Variants in HSBP1L1 observed in about 807,000 individuals in gnomAD.
HSBP1L1 encodes heat shock factor-binding protein 1-like protein 1.
In HSBP1L1, 8 loss-of-function variants were observed where a neutral mutation model predicts 9.7. The observed-to-expected ratio is 0.82, with a 90% CI of 0.48 to 1.48. The LOEUF (loss-of-function observed/expected upper bound fraction) is 1.48. Ranked by LOEUF, HSBP1L1 falls within the 40% of genes most tolerant of loss-of-function variation. HSBP1L1 has a pLI of 0.00. For missense variants in HSBP1L1, 106 were observed against 95.8 expected, an observed-to-expected ratio of 1.11 and a Z score of -0.44; for synonymous variants, 39 against 34.4, an observed-to-expected ratio of 1.13 and a Z score of -0.46.
rs1347670266 is a variant in HSBP1L1 at position 79,970,596 on chromosome 18, C to A, written c.*145C>A. The A allele has an allele frequency of 4.7e-6, 3 of 638,486 alleles. No individual in the cohort carries two copies. Among genetic ancestry groups the A allele is most frequent in the Non-Finnish European group, 8.8e-6 (3 of 339,946 alleles). The allele number at this position is 638,486 out of a possible 1,614,324, so 39.6% of individuals were successfully genotyped here. On this transcript the variant is annotated 3_prime_UTR_variant, in exon 4 of 4. Transcript: ENST00000451882. ...TCGCCTGCTCTCCCCTCCGTGCCTGCACCAGAGAAGGAGGCCATCGGCAAG... is the reference window on the plus strand; with the variant it reads ...TCGCCTGCTCTCCCCTCCGTGCCTGAACCAGAGAAGGAGGCCATCGGCAAG...
Position 79,970,647 on chromosome 18 carries a change from A to G in HSBP1L1, c.*196A>G. On this transcript the variant is annotated 3_prime_UTR_variant, in exon 4 of 4. Coordinates refer to ENST00000451882, the MANE Select transcript of HSBP1L1 (RefSeq NM_001136180.2). ...CCAAGGAGAGCCCTCCCCAGAAATC[A>G]CACGGACCAGCACCTTGATCTGGGA... 1.7e-6 allele frequency: 1 copy of G among 586,414 alleles called. No homozygotes were observed. Among genetic ancestry groups the G allele is most frequent in the South Asian group, 2.1e-5 (1 of 48,664 alleles). The allele number at this position is 586,414 out of a possible 1,614,324, so 36.3% of individuals were successfully genotyped here.
At chr18:79,969,121 A>G (rs746913339) in intron 3 of HSBP1L1, among the ~76,000 whole-genome samples, 44 of 150,322 alleles carry the variant, frequency 2.9e-4, no homozygotes, top group Non-Finnish European at 5.0e-4. Flanking sequence ...CCCGGGAGGC[A>G]GAGCTTGCAG....
chr18:79,966,727 G>C (rs1170103799), intron 2 of HSBP1L1, 49 bp downstream of exon 2: 1 of 1,283,054 alleles, frequency 7.8e-7, no homozygotes, highest in African/African-American at 1.5e-5. Flanking sequence ...CGGACTGGTA[G>C]ATTATCATGG....
intron 3 of HSBP1L1, among the ~76,000 whole-genome samples, chr18:79,969,335 G>GA (rs1277031309): frequency 2.4e-4 from 4 of 16,396 alleles, no homozygotes; most frequent in South Asian, 3.6e-3. Context: ...GAAAGAAAAA[G>GA]AAAGAAAGAA....
At chr18:79,966,121 T>TG (rs1317539681) in intron 1 of HSBP1L1, among the ~76,000 whole-genome samples, 1 of 151,812 alleles carries the variant, frequency 6.6e-6, no homozygotes, top group Non-Finnish European at 1.5e-5. Flanking sequence ...TTAGTAGAGA[T>TG]GGGGTTTCAC....
chr18:79,969,375 GAAA>G lies in HSBP1L1; in HGVS notation c.214-1064_214-1062del, dbSNP rs2051281372. Among the ~76,000 whole-genome samples the G allele has an allele frequency of 2.9e-4, 15 of 52,058 alleles. 2 individuals are homozygous for G. The Admixed American group carries it at 3.5e-3, about 12-fold the overall frequency. 34.2% of individuals were successfully genotyped at this position (52,058 alleles called of 152,430 possible). On this transcript the variant is annotated intron_variant, in intron 3 of 3. Transcript: ENST00000451882. The stretch of plus-strand genomic sequence containing the variant: ...AGAAAGAAAGAAAGAAAGAAAGAAA[GAAA>G]GAAAGAAAGAAAGAAAAAAAAACGA...
intron 3 of HSBP1L1, among the ~76,000 whole-genome samples, chr18:79,968,848 G>A (rs1433181587): frequency 6.6e-6 from 1 of 151,908 alleles, no homozygotes; most frequent in African/African-American, 2.4e-5. Context: ...AAGAATGCTA[G>A]GATCAGAGGC....
intron 3 of HSBP1L1, among the ~76,000 whole-genome samples, chr18:79,969,117 AG>A (rs1336346919): frequency 6.7e-6 from 1 of 150,062 alleles, no homozygotes; most frequent in African/African-American, 2.5e-5. Context: ...TGAACCCGGG[AG>A]GCAGAGCTTG....
intron 3 of HSBP1L1, among the ~76,000 whole-genome samples, chr18:79,969,331 AAAAG>A (rs1195209410): frequency 0.039 from 2,813 of 71,592 alleles, 141 homozygotes; most frequent in African/African-American, 0.078. Flanking sequence ...GAAAGAAAGA[AAAAG>A]AAAGAAAGAA....
At chr18:79,967,831 T>C (rs2145035315) in intron 2 of HSBP1L1, 1 of 386,012 alleles carries the variant, frequency 2.6e-6, no homozygotes, top group Non-Finnish European at 4.6e-6. Flanking sequence ...GACTAAAATA[T>C]ACCAGACAAT....
At chr18:79,968,566 T>C (rs2145035970) in intron 3 of HSBP1L1, among the ~76,000 whole-genome samples, 1 of 152,254 alleles carries the variant, frequency 6.6e-6, no homozygotes, top group East Asian at 1.9e-4. Flanking sequence ...CCTCAGGTGA[T>C]CCACCCACCT....
intron 1 of HSBP1L1, among the ~76,000 whole-genome samples, chr18:79,965,396 C>T (rs762841500): frequency 2.6e-5 from 4 of 152,114 alleles, no homozygotes; most frequent in Non-Finnish European, 5.9e-5. Flanking sequence ...AGAGGTGGGG[C>T]CTCCTCCTAT....
intron 3 of HSBP1L1, among the ~76,000 whole-genome samples, chr18:79,968,721 G>A (rs1009101561): frequency 2.3e-4 from 35 of 151,784 alleles, no homozygotes; most frequent in Admixed American, 2.0e-4. Context: ...CACCCGCCTC[G>A]GCCTCCCAAA....
chr18:79,968,263 G>C (rs1350184356), intron 3 of HSBP1L1, 80 bp downstream of exon 3: 2 of 823,446 alleles, frequency 2.4e-6, no homozygotes, highest in Non-Finnish European at 3.9e-6. Flanking sequence ...TCCCATATTT[G>C]TTCACTATGG....
intron 3 of HSBP1L1, 139 bp from the exon 4 acceptor site, chr18:79,970,301 A>G: frequency 1.5e-6 from 1 of 653,518 alleles, no homozygotes; most frequent in Non-Finnish European, 2.9e-6. Flanking sequence ...TAAACTTGAA[A>G]TACAGAGTCC....
At position 79,964,687 on chromosome 18, in the gene HSBP1L1, C is replaced by T. The variant is rs2051247434; in HGVS notation, c.-49C>T. On this transcript the variant is annotated 5_prime_UTR_variant, in exon 1 of 4. Transcript: ENST00000451882. ...TAGCTGTCGCCACCTCGCGCCGGGT[C>T]CGCGCGGCCCACGGGACCCCCCACT... 2.5e-6 allele frequency: 3 copies of T among 1,190,180 alleles called. No homozygotes were observed. Among genetic ancestry groups the T allele is most frequent in the Non-Finnish European group, 2.3e-6 (2 of 884,990 alleles). The allele number at this position is 1,190,180 out of a possible 1,614,324, so 73.7% of individuals were successfully genotyped here.
At chr18:79,967,461 G>A (rs1037691158) in intron 2 of HSBP1L1, 1 of 152,068 alleles carries the variant, frequency 6.6e-6, no homozygotes, top group African/African-American at 2.4e-5. Flanking sequence ...ATCTAGATAA[G>A]GGTCACAATT....
chr18:79,965,320 G>C (rs1204754472), intron 1 of HSBP1L1, among the ~76,000 whole-genome samples: 1 of 152,212 alleles, frequency 6.6e-6, no homozygotes. Context: ...CTGAAGGAAT[G>C]TGTTGGGCGT....
At chr18:79,969,267 G>A (rs1416629515) in intron 3 of HSBP1L1, among the ~76,000 whole-genome samples, 15 of 18,826 alleles carry the variant, frequency 8.0e-4, no homozygotes, top group East Asian at 4.0e-3. Flanking sequence ...AGAGAGGGAG[G>A]GAGGGAGGGA....
Sources: gnomAD v4.1 joint callset for allele counts (sites outside exome capture counted in the v4.1 genomes callset) on GRCh38, gnomAD v4.1.1 for gene constraint, MANE v1.5 for transcripts, NCBI Gene and HGNC (gene_info 2026-07-23, HGNC 2026-07-21) for gene names.